The following SPOCK1 variants were observed in gnomAD, a reference collection of about 807,000 sequenced individuals.
The protein encoded by SPOCK1 is SPARC (osteonectin), cwcv and kazal like domains proteoglycan 1, also known as testican-1.
In SPOCK1, 23 loss-of-function variants were observed where a neutral mutation model predicts 55.3. The ratio of observed to expected loss-of-function variants is 0.42; its 90% CI spans 0.30 to 0.59. The LOEUF (loss-of-function observed/expected upper bound fraction) is 0.59, where lower values mean the gene tolerates loss of function less well. SPOCK1 is among the 20% of genes least tolerant of loss of function. SPOCK1 has a pLI of 0.22. For synonymous variants in SPOCK1, 226 were observed against 221.0 expected (o/e 1.02, Z -0.20); for missense variants, 499 against 552.5 (o/e 0.90, Z 0.97).
intron 2 of SPOCK1, among the ~76,000 whole-genome samples, chr5:137,352,673 G>A (rs1044077591): frequency 1.3e-5 from 2 of 152,056 alleles, no homozygotes; most frequent in African/African-American, 2.4e-5. Context: ...GAAGAAAGGT[G>A]GGGAAGAGGA....
chr5:137,186,803 C>T (rs72794531), intron 3 of SPOCK1, among the ~76,000 whole-genome samples: 5,258 of 152,120 alleles, frequency 0.035, 137 homozygotes, highest in Non-Finnish European at 0.049. Flanking sequence ...TTCACTGCCT[C>T]GCTTCCTCCC....
At chr5:137,421,861 G>C (rs1180981129) in intron 2 of SPOCK1, among the ~76,000 whole-genome samples, 2 of 152,180 alleles carry the variant, frequency 1.3e-5, no homozygotes, top group African/African-American at 2.4e-5. Context: ...TGGTTATTTT[G>C]CTCGTTAGTT....
At chr5:137,232,568 GTCTTGAT>G (rs1375862488) in intron 3 of SPOCK1, among the ~76,000 whole-genome samples, 1 of 152,172 alleles carries the variant, frequency 6.6e-6, no homozygotes, top group Non-Finnish European at 1.5e-5. Flanking sequence ...GTACCACACT[GTCTTGAT>G]TACTGTAGCT....
chr5:137,241,072 T>C (rs536049822), intron 3 of SPOCK1, among the ~76,000 whole-genome samples: 1 of 152,272 alleles, frequency 6.6e-6, no homozygotes, highest in South Asian at 2.1e-4. Flanking sequence ...TCCAAATGGA[T>C]AATGAGATTG....
intron 2 of SPOCK1, among the ~76,000 whole-genome samples, chr5:137,297,420 C>T (rs1757509396): frequency 6.6e-6 from 1 of 152,064 alleles, no homozygotes; most frequent in South Asian, 2.1e-4. Context: ...GCATGCACAA[C>T]AAAAACACAG....
intron 6 of SPOCK1, among the ~76,000 whole-genome samples, chr5:137,067,323 T>G (rs1561597095): frequency 6.6e-6 from 1 of 152,184 alleles, no homozygotes; most frequent in Non-Finnish European, 1.5e-5. Context: ...TCCACTGTTG[T>G]GACATCTCTG....
At chr5:137,264,384 C>G (rs944351237) in intron 3 of SPOCK1, among the ~76,000 whole-genome samples, 6 of 152,274 alleles carry the variant, frequency 3.9e-5, no homozygotes, top group African/African-American at 1.2e-4. Context: ...AATGTCCCCT[C>G]AACCCATTTC....
At chr5:137,245,832 T>C (rs1007912918) in intron 3 of SPOCK1, among the ~76,000 whole-genome samples, 1 of 151,010 alleles carries the variant, frequency 6.6e-6, no homozygotes, top group Non-Finnish European at 1.5e-5. Context: ...ATGGGATCCA[T>C]GATTAAATAA....
At chr5:137,102,316 A>G (rs1753286660) in intron 5 of SPOCK1, among the ~76,000 whole-genome samples, 1 of 152,164 alleles carries the variant, frequency 6.6e-6, no homozygotes, top group Non-Finnish European at 1.5e-5. Flanking sequence ...CAGGATTAAA[A>G]CATGAGTAAA....
chr5:137,467,310 G>T (rs888504974), intron 2 of SPOCK1, among the ~76,000 whole-genome samples: 1 of 152,238 alleles, frequency 6.6e-6, no homozygotes, highest in East Asian at 1.9e-4. Context: ...GGGCATGAAT[G>T]TCAGGTGAGA....
At chr5:137,489,921 G>A (rs1254145759) in intron 2 of SPOCK1, among the ~76,000 whole-genome samples, 1 of 152,178 alleles carries the variant, frequency 6.6e-6, no homozygotes, top group Non-Finnish European at 1.5e-5. Flanking sequence ...AGGTTAATGG[G>A]TTCCTCCTCC....
At chr5:137,176,209 A>T (rs1754848600) in intron 3 of SPOCK1, among the ~76,000 whole-genome samples, 1 of 152,210 alleles carries the variant, frequency 6.6e-6, no homozygotes, top group African/African-American at 2.4e-5. Context: ...ATTTGTCTTT[A>T]AGTAAGAAAG....
rs557579538 is a variant in SPOCK1 at position 137,134,112 on chromosome 5, C to A, written c.347+6468G>T. ...CAGTGACCTCCACTGTGGTTCTAATCTTCCCCTTACTGGCAGTGTCCAATT... is the reference window on the plus strand; with the variant it reads ...CAGTGACCTCCACTGTGGTTCTAATATTCCCCTTACTGGCAGTGTCCAATT... On this transcript the variant is annotated intron_variant, in intron 4 of 10. Transcript: ENST00000394945. Among the ~76,000 whole-genome samples the A allele has an allele frequency of 3.9e-5, 6 of 152,326 alleles. No homozygotes were observed. In the South Asian group the frequency reaches 1.0e-3, roughly 26 times the overall value.
At chr5:137,497,765 G>A (rs570416661) in intron 2 of SPOCK1, among the ~76,000 whole-genome samples, 1 of 152,254 alleles carries the variant, frequency 6.6e-6, no homozygotes, top group African/African-American at 2.4e-5. Flanking sequence ...CGGGCTAGTT[G>A]TTCCTGTTTC....
intron 2 of SPOCK1, among the ~76,000 whole-genome samples, chr5:137,333,737 T>G (rs914332683): frequency 6.6e-6 from 1 of 152,124 alleles, no homozygotes; most frequent in Non-Finnish European, 1.5e-5. Flanking sequence ...TGTAATCTGG[T>G]CAAAGCCGAG....
At chr5:137,322,425 C>A (rs1490539300) in intron 2 of SPOCK1, among the ~76,000 whole-genome samples, 1 of 150,220 alleles carries the variant, frequency 6.7e-6, no homozygotes, top group East Asian at 1.9e-4. Context: ...AATACTCTAA[C>A]AATGGTAGGT....
intron 2 of SPOCK1, among the ~76,000 whole-genome samples, chr5:137,277,082 G>A (rs1757081920): frequency 6.6e-6 from 1 of 152,060 alleles, no homozygotes; most frequent in South Asian, 2.1e-4. Context: ...TGGCACAATT[G>A]TAGGTCACTG....
rs1195120842 is a variant in SPOCK1, at chr5:137,102,483, T to C, written c.474+9952A>G. 2.0e-5 allele frequency among the ~76,000 whole-genome samples: 3 copies of C among 151,946 alleles called. No individual in the cohort carries two copies. In the East Asian group the frequency reaches 5.8e-4, roughly 29 times the overall value. On this transcript the variant is annotated intron_variant, in intron 5 of 10. Coordinates refer to ENST00000394945, the MANE Select transcript of SPOCK1 (RefSeq NM_004598.4). ...AACGGAGTGGTGGCAACACTGAAGG[T>C]TTCCTTCTTTCTCTAAGGCCTGGCT...
intron 6 of SPOCK1, among the ~76,000 whole-genome samples, chr5:137,065,227 CAAAAA>C (rs10697469): frequency 8.6e-6 from 1 of 116,196 alleles, no homozygotes; most frequent in African/African-American, 3.4e-5. Context: ...GATTTCATCT[CAAAAA>C]AAAAAAAAAA....
Sources: allele counts gnomAD v4.1 joint callset (sites outside exome capture counted in the v4.1 genomes callset), GRCh38; gene constraint gnomAD v4.1.1; transcripts MANE v1.5; gene names NCBI Gene and HGNC (gene_info 2026-07-23, HGNC 2026-07-21).